The following CLIP1 variants were observed in gnomAD, a reference collection of about 807,000 sequenced individuals.
CLIP1 encodes the protein CAP-Gly domain containing linker protein 1.
A neutral mutation model predicts 161.6 loss-of-function variants in CLIP1; 66 were observed. The ratio of observed to expected loss-of-function variants is 0.41; its 90% CI spans 0.33 to 0.50. The LOEUF is 0.50. Ranked by LOEUF, CLIP1 falls within the 20% of genes least tolerant of loss-of-function variation. CLIP1 has a pLI of 0.27. For missense variants in CLIP1, 1,376 were observed against 1,702.0 expected (o/e 0.81, Z 3.37); for synonymous variants, 598 against 626.2 (o/e 0.96, Z 0.67).
In CLIP1 at chr12:122,311,844, A is replaced by G. The variant is rs978888035; in HGVS notation, c.3474-1962T>C. ...AGAAGACTGAAGCTCCGGGAAGTAA[A>G]CAGATTTGCCCCAAATCATAAAGCC... On this transcript the variant is annotated intron_variant, in intron 19 of 25. Coordinates refer to ENST00000620786, the MANE Select transcript of CLIP1 (RefSeq NM_001247997.2). This position sits in a 1 kb window ranked among gnomAD's most constrained non-coding sequence, Gnocchi z 4.3. 1.3e-5 allele frequency among the ~76,000 whole-genome samples: 2 copies of G among 152,224 alleles called. No homozygotes were observed. The highest frequency in any genetic ancestry group is 2.9e-5 in the Non-Finnish European group (2 of 68,044).
chr12:122,382,393 C>T (rs887511724), intron 1 of CLIP1, among the ~76,000 whole-genome samples: 1 of 150,948 alleles, frequency 6.6e-6, no homozygotes. Context: ...GGCGTTGTGG[C>T]GCGTGCCTCC....
chr12:122,313,976 G>A (rs1404537268), intron 19 of CLIP1, among the ~76,000 whole-genome samples: 1 of 151,874 alleles, frequency 6.6e-6, no homozygotes, highest in East Asian at 1.9e-4. Flanking sequence ...GGCCAACATG[G>A]TGAAACCCCA....
At chr12:122,369,937 C>T (rs886235948) in intron 3 of CLIP1, among the ~76,000 whole-genome samples, 1 of 151,670 alleles carries the variant, frequency 6.6e-6, no homozygotes, top group Admixed American at 6.6e-5. Flanking sequence ...CCAAGGCAGA[C>T]AGATCATTTG....
chr12:122,357,206 C>T (rs550936025), intron 5 of CLIP1, among the ~76,000 whole-genome samples: 5 of 151,900 alleles, frequency 3.3e-5, no homozygotes, highest in Non-Finnish European at 7.4e-5. Flanking sequence ...CGTCTCTGCC[C>T]GGCCGCCCAT....
At chr12:122,404,904 A>C (rs11058009) in intron 1 of CLIP1, among the ~76,000 whole-genome samples, 14,864 of 149,472 alleles carry the variant, frequency 0.099, 1,261 homozygotes, top group East Asian at 0.45. Context: ...CATCTCAAAA[A>C]AAAAAAACAA....
intron 1 of CLIP1, chr12:122,399,329 C>T (rs1956060686): frequency 6.6e-6 from 1 of 152,164 alleles, no homozygotes. Context: ...AATCCAAATC[C>T]TGTAAGCAAA....
At chr12:122,397,682 G>A (rs925726231) in intron 1 of CLIP1, among the ~76,000 whole-genome samples, 15 of 150,170 alleles carry the variant, frequency 1.0e-4, no homozygotes, top group Admixed American at 7.3e-4. Context: ...TATCGGCCAC[G>A]CATGGTGGCT....
intron 15 of CLIP1, 144 bp downstream of exon 15, chr12:122,332,843 G>T: frequency 1.6e-6 from 1 of 618,168 alleles, no homozygotes; most frequent in Non-Finnish European, 2.7e-6. Context: ...GTTGATTCAA[G>T]GACACAATGA....
intron 5 of CLIP1, among the ~76,000 whole-genome samples, chr12:122,356,878 G>T (rs1459709143): frequency 6.6e-6 from 1 of 152,254 alleles, no homozygotes; most frequent in Non-Finnish European, 1.5e-5. Flanking sequence ...AACTGCGAGT[G>T]ATCCGCCAGC....
In CLIP1 at chr12:122,361,055, C is replaced by T. The variant is rs757843503; in HGVS notation, c.909G>A (p.Thr303=). The change falls in exon 5 of 26, where the codon ACG becomes ACA. Residue 303 remains threonine, a synonymous_variant. Coordinates refer to ENST00000620786, the MANE Select transcript of CLIP1 (RefSeq NM_001247997.2). ...AAGGGCTGCGCTTCAGGCTGGCGGACGTGGTCGCCATCACTCGCCTCACTG... is the reference window on the plus strand; with the variant it reads ...AAGGGCTGCGCTTCAGGCTGGCGGATGTGGTCGCCATCACTCGCCTCACTG... ...ANAVRRVMAT[T]SASLKRSPSA... is the part of the protein sequence containing the mutation. The T allele has an allele frequency of 4.2e-5, 68 of 1,614,086 alleles. No individual in the cohort carries two copies. Among genetic ancestry groups the T allele is most frequent in the Non-Finnish European group, 4.7e-5 (56 of 1,180,044 alleles).
chr12:122,320,261 G>A (rs1479344486), intron 17 of CLIP1, among the ~76,000 whole-genome samples: 4 of 130,222 alleles, frequency 3.1e-5, no homozygotes, highest in Admixed American at 7.5e-5. Context: ...GCGAGACTCC[G>A]TCTCAAAAAA....
At chr12:122,283,859 C>T (rs779499883) in intron 21 of CLIP1, among the ~76,000 whole-genome samples, 2 of 152,136 alleles carry the variant, frequency 1.3e-5, no homozygotes, top group South Asian at 2.1e-4. Context: ...TAACTATGTA[C>T]GTTTAATGAT....
At chr12:122,318,583 C>A (rs1301290843) in intron 18 of CLIP1, among the ~76,000 whole-genome samples, 1 of 152,094 alleles carries the variant, frequency 6.6e-6, no homozygotes, top group South Asian at 2.1e-4. Context: ...AACAAAAAAG[C>A]ATCTGAAGTT....
Position 122,355,646 on chromosome 12 carries a change from A to C in CLIP1, c.1006-334T>G. The C allele has an allele frequency of 4.3e-6, 1 of 233,256 alleles. No homozygotes were observed. Among genetic ancestry groups the C allele is most frequent in the Non-Finnish European group, 8.4e-6 (1 of 119,146 alleles). 14.4% of individuals were successfully genotyped at this position (233,256 alleles called of 1,614,324 possible). The stretch of plus-strand genomic sequence containing the variant: ...ATGATGAGACCCCATCTCTACTAAA[A>C]ATACAAAAATTAGCTGGAGTGCAGT... On this transcript the variant is annotated intron_variant, in intron 5 of 25. Transcript: ENST00000620786. The surrounding 1 kb of genome is among the most constrained non-coding windows in gnomAD (Gnocchi z 4.1).
chr12:122,357,813 T>TG (rs550896070), intron 5 of CLIP1, among the ~76,000 whole-genome samples: 137 of 96,182 alleles, frequency 1.4e-3, no homozygotes, highest in South Asian at 8.8e-3. Flanking sequence ...GGGAGGGAGG[T>TG]GGGGGGGGTC....
chr12:122,421,696 C>T (rs1340489704), intron 1 of CLIP1, among the ~76,000 whole-genome samples: 1 of 152,120 alleles, frequency 6.6e-6, no homozygotes, highest in Non-Finnish European at 1.5e-5. Context: ...GGGTGGCGCT[C>T]GGCTCCTGCC....
chr12:122,387,568 ATATATATATATATATATATATATTT>A (rs1282534727), intron 1 of CLIP1, among the ~76,000 whole-genome samples: 1,640 of 22,188 alleles, frequency 0.074, 69 homozygotes, highest in Admixed American at 0.11. Flanking sequence ...ATATATATAT[ATATATATATATATATATATATATTT>A]TTTTTTTTTT....
chr12:122,296,139 C>T (rs1275498243), intron 20 of CLIP1, among the ~76,000 whole-genome samples: 2 of 152,034 alleles, frequency 1.3e-5, no homozygotes, highest in Non-Finnish European at 1.5e-5. Flanking sequence ...TGTTTTGATT[C>T]CATTTATGTG....
intron 3 of CLIP1, among the ~76,000 whole-genome samples, chr12:122,365,988 G>A (rs572620326): frequency 1.3e-5 from 2 of 151,618 alleles, no homozygotes; most frequent in East Asian, 2.0e-4. Flanking sequence ...CAGCCTGGGT[G>A]ACAGAGTGAG....
Sources: gnomAD v4.1 joint callset for allele counts (sites outside exome capture counted in the v4.1 genomes callset) on GRCh38, gnomAD v4.1.1 for gene constraint, Gnocchi (gnomAD v3.1) non-coding constraint, MANE v1.5 for transcripts, NCBI Gene and HGNC (gene_info 2026-07-23, HGNC 2026-07-21) for gene names.